Variants in PARS2 observed in about 807,000 individuals in gnomAD.
PARS2 encodes prolyl-tRNA synthetase 2, mitochondrial.
PARS2 carries 20 observed loss-of-function variants against 27.4 expected under a neutral mutation model. That is an observed-to-expected ratio of 0.73 (90% CI 0.51 to 1.06). The LOEUF (loss-of-function observed/expected upper bound fraction) is 1.06, where lower values mean the gene tolerates loss of function less well. PARS2 is among the 50% of genes least tolerant of loss of function. The pLI is 0.00. For missense variants in PARS2, 585 were observed against 602.1 expected, an observed-to-expected ratio of 0.97 and a Z score of 0.30; for synonymous variants, 240 against 247.1, an observed-to-expected ratio of 0.97 and a Z score of 0.27.
At position 54,758,918 on chromosome 1, in the gene PARS2, G is replaced by A. The variant is rs1465596075; in HGVS notation, c.244C>T (p.Pro82Ser). 6.2e-7 allele frequency: 1 copy of A among 1,614,120 alleles called. No individual in the cohort carries two copies. Among genetic ancestry groups the A allele is most frequent in the Non-Finnish European group, 8.5e-7 (1 of 1,179,992 alleles). ...AGGTGGTAACAGCCGGGGCTTGCTG[G>A]GTAGATCAGGCCCACCTGCAGCATC... ...RLMLQVGLIY[P>S]ASPGCYHLLP... Residue 82 changes from proline (P) to serine (S), a missense_variant, in exon 2 of 2, where the codon CCA becomes TCA. By Grantham distance (74) the Pro-to-Ser change is moderately conservative. Transcript: ENST00000371279.
chr1:54,763,121 A>G (rs557458540), intron 1 of PARS2, among the ~76,000 whole-genome samples: 1 of 151,746 alleles, frequency 6.6e-6, no homozygotes, highest in South Asian at 2.1e-4. Flanking sequence ...CCTCCCCCCA[A>G]CCCCCAGCAA....
At chr1:54,759,711 A>G (rs1646143375) in intron 1 of PARS2, among the ~76,000 whole-genome samples, 1 of 152,216 alleles carries the variant, frequency 6.6e-6, no homozygotes, top group Non-Finnish European at 1.5e-5. Flanking sequence ...TCTGAAAACA[A>G]AAAAGAAAAG....
At chr1:54,764,343 G>A (rs1462474012) in intron 1 of PARS2, 118 bp downstream of exon 1, 1 of 152,276 alleles carries the variant, frequency 6.6e-6, no homozygotes, top group Admixed American at 6.5e-5. Flanking sequence ...TCAAGGACGG[G>A]ATGCAAGTGG....
rs2101404599 is a variant in PARS2 at position 54,757,164 on chromosome 1, C to T, written c.*570G>A. The T allele has an allele frequency of 6.6e-6, 1 of 152,464 alleles. No homozygotes were observed. The allele number at this position is 152,464 out of a possible 1,614,324, so 9.4% of individuals were successfully genotyped here. A position where few individuals can be genotyped will look rare whatever the true frequency, so the allele number is the denominator to read the frequency against. On this transcript the variant is annotated 3_prime_UTR_variant, in exon 2 of 2. Transcript: ENST00000371279. ...TTTTCTCAAGTTACAGATGGGGAAA[C>T]TGAGGCCCCAGCAGGGGGAGGGGAT...
At position 54,758,833 on chromosome 1, in the gene PARS2, T is replaced by C. The variant is rs1208812148; in HGVS notation, c.329A>G (p.Gln110Arg). ...KLVRVIDQEMQAIGGQKVNMP... is the reference protein window; with the variant it reads ...KLVRVIDQEMRAIGGQKVNMP... The stretch of plus-strand genomic sequence containing the variant: ...GTTGACTTTCTGGCCCCCGATGGCC[T>C]GCATCTCCTGGTCTATCACTCGCAC... Residue 110 changes from glutamine to arginine, a missense_variant, in exon 2 of 2, where the codon CAG becomes CGG. Gln to Arg is a conservative substitution (Grantham distance 43, BLOSUM62 1). Coordinates refer to ENST00000371279, the MANE Select transcript of PARS2 (RefSeq NM_152268.4). 2 of 1,614,106 alleles carry C rather than the reference T, an allele frequency of 1.2e-6. No homozygotes were observed. The highest frequency in any genetic ancestry group is 1.7e-6 in the Non-Finnish European group (2 of 1,180,056).
rs372131446 is a variant in PARS2 at position 54,758,306 on chromosome 1, C to T, written c.856G>A (p.Asp286Asn). ...CSFSANMETLDLSQMNCPACQ... is the reference protein window; with the variant it reads ...CSFSANMETLNLSQMNCPACQ... Reference sequence around the variant, plus strand: ...GCAGGGCAGTTCATTTGTGACAAGTCTAGTGTCTCCATGTTGGCTGAGAAG... The same window carrying T: ...GCAGGGCAGTTCATTTGTGACAAGTTTAGTGTCTCCATGTTGGCTGAGAAG... Residue 286 changes from aspartate (D) to asparagine (N), a missense_variant, in exon 2 of 2, where the codon GAC becomes AAC. Transcript: ENST00000371279. The T allele has an allele frequency of 5.6e-6, 9 of 1,614,084 alleles. No individual in the cohort carries two copies. In the Admixed American group the frequency reaches 6.7e-5, roughly 12 times the overall value.
rs180788021 is a variant in PARS2 at position 54,764,187 on chromosome 1, G to A, written c.-30+274C>T. On this transcript the variant is annotated intron_variant, in intron 1 of 1. Coordinates refer to ENST00000371279, the MANE Select transcript of PARS2 (RefSeq NM_152268.4). ...CTGGCTCAGGCAGCAGGTGGTCCCA[G>A]GGCCTTTCCAGAGCTGGCACTTCGA... Among the ~76,000 whole-genome samples the A allele has an allele frequency of 2.1e-3, 321 of 152,350 alleles. 6 individuals are homozygous for A. The highest frequency in any genetic ancestry group is 0.019 in the Admixed American group (284 of 15,308).
chr1:54,760,173 T>C (rs1180955), intron 1 of PARS2, among the ~76,000 whole-genome samples: 91,752 of 151,802 alleles, frequency 0.6, 28,270 homozygotes, highest in East Asian at 0.96. Context: ...CTTCCCTCTT[T>C]ACAGCACACA....
rs756996613 is a variant in PARS2, at chr1:54,758,674, G to A, written c.488C>T (p.Thr163Met). The change falls in exon 2 of 2, where the codon ACG becomes ATG. Residue 163 changes from threonine (T) to methionine (M), a missense_variant. Physicochemically the swap from Thr to Met is moderately conservative, Grantham distance 81. Transcript: ENST00000371279. Reference sequence around the variant, plus strand: ...TTTCTTCTGGGAGGCAATTAAGGCCGTAATGGCTTCCTCGTGAGTTGGTCC... The same window carrying A: ...TTTCTTCTGGGAGGCAATTAAGGCCATAATGGCTTCCTCGTGAGTTGGTCC... ...CLGPTHEEAITALIASQKKLS... is the reference protein window; with the variant it reads ...CLGPTHEEAIMALIASQKKLS... The A allele has an allele frequency of 1.1e-5, 17 of 1,614,088 alleles. No individual in the cohort carries two copies. Among genetic ancestry groups the A allele is most frequent in the South Asian group, 3.3e-5 (3 of 91,090 alleles).
intron 1 of PARS2, among the ~76,000 whole-genome samples, chr1:54,760,213 G>A (rs1050293520): frequency 3.3e-5 from 5 of 152,034 alleles, no homozygotes; most frequent in Admixed American, 6.6e-5. Context: ...GCTGAGAGCT[G>A]ACTCAAAATC....
Position 54,757,649 on chromosome 1 carries a change from G to T in PARS2, c.*85C>A. ...ATGAGCTGTGCTGTTTCTGGAGAGA[G>T]CAGTCCAGGAAAGGGGTGTAGGAAA... On this transcript the variant is annotated 3_prime_UTR_variant, in exon 2 of 2. Transcript: ENST00000371279. The T allele has an allele frequency of 1.2e-6, 1 of 821,334 alleles. No homozygotes were observed. Among genetic ancestry groups the T allele is most frequent in the Non-Finnish European group, 1.9e-6 (1 of 518,294 alleles). The allele number at this position is 821,334 out of a possible 1,614,324, so 50.9% of individuals were successfully genotyped here. A position where few individuals can be genotyped will look rare whatever the true frequency, so the allele number is the denominator to read the frequency against.
Position 54,764,518 on chromosome 1 carries a change from C to A in PARS2, c.-87G>T, listed in dbSNP as rs941107888. On this transcript the variant is annotated 5_prime_UTR_variant, in exon 1 of 2. Transcript: ENST00000371279. Reference sequence around the variant, plus strand: ...CCGCCGTGCCGGGCCAGCGCGCTTGCGCCTCGAGCAAGCCCGCTCCTAAGC... The same window carrying A: ...CCGCCGTGCCGGGCCAGCGCGCTTGAGCCTCGAGCAAGCCCGCTCCTAAGC... 3 of 152,314 alleles carry A rather than the reference C, an allele frequency of 2.0e-5. No homozygotes were observed. Among genetic ancestry groups the A allele is most frequent in the Non-Finnish European group, 4.4e-5 (3 of 68,086 alleles). The allele number at this position is 152,314 out of a possible 1,614,324, so 9.4% of individuals were successfully genotyped here. A position where few individuals can be genotyped will look rare whatever the true frequency, so the allele number is the denominator to read the frequency against.
chr1:54,764,214 A>T (rs938970137), intron 1 of PARS2, among the ~76,000 whole-genome samples: 1 of 152,152 alleles, frequency 6.6e-6, no homozygotes, highest in Admixed American at 6.5e-5. Context: ...GCACTTCGAG[A>T]ACTGTGTGAC....
intron 1 of PARS2, among the ~76,000 whole-genome samples, chr1:54,760,881 C>T (rs1444008302): frequency 1.3e-5 from 2 of 152,166 alleles, no homozygotes; most frequent in Non-Finnish European, 2.9e-5. Context: ...CGGGTTCACG[C>T]CATTCTCCTG....
At chr1:54,763,692 C>G (rs1298459706) in intron 1 of PARS2, among the ~76,000 whole-genome samples, 4 of 152,190 alleles carry the variant, frequency 2.6e-5, no homozygotes, top group Admixed American at 2.0e-4. Context: ...ACACTTCAGG[C>G]TCTGGCAAAC....
At chr1:54,760,156 T>C (rs1409451590) in intron 1 of PARS2, among the ~76,000 whole-genome samples, 1 of 152,146 alleles carries the variant, frequency 6.6e-6, no homozygotes, top group Non-Finnish European at 1.5e-5. Flanking sequence ...TTAAATGTCA[T>C]GGGCCTCTTC....
At chr1:54,763,302 C>A (rs1025521978) in intron 1 of PARS2, among the ~76,000 whole-genome samples, 6 of 152,078 alleles carry the variant, frequency 3.9e-5, no homozygotes, top group African/African-American at 2.4e-5. Flanking sequence ...GCATTGGAAG[C>A]GAATGGTGTT....
chr1:54,762,428 C>T (rs897466352), intron 1 of PARS2, among the ~76,000 whole-genome samples: 3 of 152,218 alleles, frequency 2.0e-5, no homozygotes, highest in African/African-American at 7.2e-5. Flanking sequence ...GCGTGAGCCA[C>T]CATGCCCGGT....
chr1:54,760,058 A>T (rs1646147281), intron 1 of PARS2, among the ~76,000 whole-genome samples: 1 of 151,896 alleles, frequency 6.6e-6, no homozygotes, highest in East Asian at 1.9e-4. Flanking sequence ...CCTGGAGTCA[A>T]CTGCAGCTGA....
Sources: allele counts gnomAD v4.1 joint callset (sites outside exome capture counted in the v4.1 genomes callset), GRCh38; gene constraint gnomAD v4.1.1; transcripts MANE v1.5; gene names NCBI Gene and HGNC (gene_info 2026-07-23, HGNC 2026-07-21).